SLC26A7: variants seen among roughly 807,000 people sequenced by gnomAD.
The protein encoded by SLC26A7 is anion exchange transporter.
A neutral mutation model predicts 82.5 loss-of-function variants in SLC26A7; 59 were observed. The observed-to-expected ratio is 0.72, with a 90% CI of 0.58 to 0.89. The LOEUF is 0.89. Ranked by LOEUF, SLC26A7 falls within the 40% of genes least tolerant of loss-of-function variation. The pLI is 0.00. For synonymous variants in SLC26A7, 271 were observed against 274.3 expected, an observed-to-expected ratio of 0.99 and a Z score of 0.12; for missense variants, 820 against 793.0, an observed-to-expected ratio of 1.03 and a Z score of -0.41.
chr8:91,312,558 C>A (rs1198798582), intron 4 of SLC26A7, among the ~76,000 whole-genome samples: 1 of 152,134 alleles, frequency 6.6e-6, no homozygotes, highest in East Asian at 1.9e-4. Flanking sequence ...TACCATTTTA[C>A]ATTCCCAGCA....
At chr8:91,362,638 A>G (rs565777411) in intron 12 of SLC26A7, among the ~76,000 whole-genome samples, 179 bp downstream of exon 12, 2 of 152,214 alleles carry the variant, frequency 1.3e-5, no homozygotes, top group East Asian at 3.9e-4. Context: ...TTATCTGCAT[A>G]TGATATTTAA....
rs1018372847 is a variant in SLC26A7 at position 91,395,521 on chromosome 8, T to C, written c.*424T>C. The C allele has an allele frequency of 6.1e-6, 1 of 162,632 alleles. No homozygotes were observed. Among genetic ancestry groups the C allele is most frequent in the Non-Finnish European group, 1.3e-5 (1 of 74,588 alleles). 10.1% of individuals were successfully genotyped at this position (162,632 alleles called of 1,614,324 possible). A position where few individuals can be genotyped will look rare whatever the true frequency, so the allele number is the denominator to read the frequency against. On this transcript the variant is annotated 3_prime_UTR_variant, in exon 19 of 19. Coordinates refer to ENST00000276609, the MANE Select transcript of SLC26A7 (RefSeq NM_052832.4). Reference sequence around the variant, plus strand: ...CTGTAACTAATACATAAAAACAACTTAGCAAATGTGCCATTTTCACACAAC... The same window carrying C: ...CTGTAACTAATACATAAAAACAACTCAGCAAATGTGCCATTTTCACACAAC...
chr8:91,305,489 AATATC>A (rs1812279755), intron 4 of SLC26A7, among the ~76,000 whole-genome samples: 1 of 152,142 alleles, frequency 6.6e-6, no homozygotes, highest in South Asian at 2.1e-4. Context: ...GTATTTTAAT[AATATC>A]ATGCTTCCAA....
At chr8:91,388,869 T>A (rs937424012) in intron 15 of SLC26A7, among the ~76,000 whole-genome samples, 1 of 152,142 alleles carries the variant, frequency 6.6e-6, no homozygotes, top group African/African-American at 2.4e-5. Flanking sequence ...AGTTTTTTTT[T>A]TTTAGAGTGA....
In SLC26A7 at chr8:91,353,298, G is replaced by A. The variant is rs1813771721; in HGVS notation, c.1314+302G>A. Among the ~76,000 whole-genome samples, 2 of 152,086 alleles carry A rather than the reference G, an allele frequency of 1.3e-5. 1 individual carries two copies. The highest frequency in any genetic ancestry group is 4.1e-4 in the South Asian group (2 of 4,834). On this transcript the variant is annotated intron_variant, in intron 11 of 18. Coordinates refer to ENST00000276609, the MANE Select transcript of SLC26A7 (RefSeq NM_052832.4). The stretch of plus-strand genomic sequence containing the variant: ...TTTACAATATGAATTAATTTTGGAA[G>A]TAAGACTTACCAGGGAAATAGACAC...
At chr8:91,214,969 T>A (rs367599497) in intron 1 of SLC26A7, among the ~76,000 whole-genome samples, 1 of 152,076 alleles carries the variant, frequency 6.6e-6, no homozygotes, top group Non-Finnish European at 1.5e-5. Flanking sequence ...CATTGGCTCA[T>A]GGTTCCTTTC....
At chr8:91,242,945 G>T (rs940026120) in intron 2 of SLC26A7, among the ~76,000 whole-genome samples, 1 of 152,092 alleles carries the variant, frequency 6.6e-6, no homozygotes, top group African/African-American at 2.4e-5. Context: ...CTAGATTCAA[G>T]ATATCAAACA....
At chr8:91,270,329 T>C (rs1811234994) in intron 2 of SLC26A7, among the ~76,000 whole-genome samples, 1 of 152,184 alleles carries the variant, frequency 6.6e-6, no homozygotes, top group African/African-American at 2.4e-5. Flanking sequence ...ACTTAAATGC[T>C]GCACCCAAAC....
At chr8:91,313,913 T>C (rs1365161229) in intron 4 of SLC26A7, among the ~76,000 whole-genome samples, 1 of 152,222 alleles carries the variant, frequency 6.6e-6, no homozygotes, top group African/African-American at 2.4e-5. Context: ...CTCTTTGTTA[T>C]TTTTAAATAT....
chr8:91,313,857 C>T (rs962282499), intron 4 of SLC26A7, among the ~76,000 whole-genome samples: 3 of 152,176 alleles, frequency 2.0e-5, no homozygotes, highest in South Asian at 2.1e-4. Flanking sequence ...ACCTAAAATA[C>T]ATTCTATATT....
chr8:91,335,074 A>G (rs1470833621), intron 6 of SLC26A7, among the ~76,000 whole-genome samples: 1 of 152,120 alleles, frequency 6.6e-6, no homozygotes, highest in African/African-American at 2.4e-5. Context: ...AACTATACAA[A>G]GCATTAAGTT....
chr8:91,293,103 A>G (rs969653782), intron 3 of SLC26A7, among the ~76,000 whole-genome samples: 6 of 152,198 alleles, frequency 3.9e-5, no homozygotes, highest in Non-Finnish European at 7.3e-5. Flanking sequence ...TTTTATCATC[A>G]TTTTACAAAT....
intron 16 of SLC26A7, among the ~76,000 whole-genome samples, chr8:91,390,393 A>T (rs1814929980): frequency 6.6e-6 from 1 of 152,216 alleles, no homozygotes; most frequent in African/African-American, 2.4e-5. Context: ...CTGGGATTAC[A>T]GGCGTGAACC....
Position 91,338,159 on chromosome 8 carries a change from G to T in SLC26A7, c.805G>T (p.Ala269Ser), listed in dbSNP as rs1393956142. 2 of 1,608,174 alleles carry T rather than the reference G, an allele frequency of 1.2e-6. No individual in the cohort carries two copies. Among genetic ancestry groups the T allele is most frequent in the East Asian group, 2.2e-5 (1 of 44,504 alleles). ...AAATGGAACCACACAGATTATTGCT[G>T]CATCATTTGCTTGTTATTGCACCAA... ...LPVDLVLIIA[A>S]SFACYCTNME... is the part of the protein sequence containing the mutation. The change falls in exon 7 of 19, where the codon GCA becomes TCA. Residue 269 changes from alanine to serine, a missense_variant. Coordinates refer to ENST00000276609, the MANE Select transcript of SLC26A7 (RefSeq NM_052832.4).
At chr8:91,263,748 C>T (rs565809108) in intron 2 of SLC26A7, among the ~76,000 whole-genome samples, 40 of 152,126 alleles carry the variant, frequency 2.6e-4, no homozygotes, top group African/African-American at 8.4e-4. Context: ...GATCCTGTAA[C>T]TTCCAATACT....
chr8:91,310,685 G>A (rs1468802018), intron 4 of SLC26A7, among the ~76,000 whole-genome samples: 1 of 152,142 alleles, frequency 6.6e-6, no homozygotes, highest in Non-Finnish European at 1.5e-5. Context: ...TGGGAAGGGA[G>A]GAATGCCTCA....
intron 4 of SLC26A7, among the ~76,000 whole-genome samples, chr8:91,299,417 T>TTAAG (rs1812101734): frequency 6.6e-6 from 1 of 151,656 alleles, no homozygotes. Context: ...ACTTCCATGA[T>TTAAG]TTATTTTTTT....
intron 2 of SLC26A7, among the ~76,000 whole-genome samples, chr8:91,236,567 T>TAA (rs34866045): frequency 0.45 from 68,373 of 150,312 alleles, 17,805 homozygotes; most frequent in South Asian, 0.66. Flanking sequence ...TCTGTGCAGA[T>TAA]AAAAAAAAAA....
intron 2 of SLC26A7, among the ~76,000 whole-genome samples, chr8:91,221,191 C>G (rs1810155296): frequency 1.3e-5 from 2 of 152,112 alleles, no homozygotes; most frequent in South Asian, 4.1e-4. Flanking sequence ...CTGTTCATAT[C>G]CTTTGCCCAC....
Sources: gnomAD v4.1 joint callset for allele counts (sites outside exome capture counted in the v4.1 genomes callset) on GRCh38, gnomAD v4.1.1 for gene constraint, MANE v1.5 for transcripts, NCBI Gene and HGNC (gene_info 2026-07-23, HGNC 2026-07-21) for gene names.